MYRIP: variants seen among roughly 807,000 people sequenced by gnomAD.
The protein encoded by MYRIP is rab effector MyRIP.
In MYRIP, 49 loss-of-function variants were observed where a neutral mutation model predicts 98.0. That is an observed-to-expected ratio of 0.50 (90% CI 0.40 to 0.63). The LOEUF is 0.63. MYRIP is among the 30% of genes least tolerant of loss of function. MYRIP has a pLI of 0.00. For missense variants in MYRIP, 1,004 were observed against 1,058.2 expected, an observed-to-expected ratio of 0.95 and a Z score of 0.71; for synonymous variants, 404 against 409.5, an observed-to-expected ratio of 0.99 and a Z score of 0.16.
intron 2 of MYRIP, among the ~76,000 whole-genome samples, chr3:39,976,337 A>C (rs564331715): frequency 6.6e-6 from 1 of 152,228 alleles, no homozygotes; most frequent in Non-Finnish European, 1.5e-5. Flanking sequence ...AATCAAAACC[A>C]CAATGAGAGA....
chr3:40,134,560 G>T (rs1013843620), intron 3 of MYRIP, among the ~76,000 whole-genome samples: 1 of 152,238 alleles, frequency 6.6e-6, no homozygotes. Context: ...TGCAGCTTGA[G>T]ATCTGAGAAC....
At chr3:40,011,945 T>C (rs969838045) in intron 2 of MYRIP, among the ~76,000 whole-genome samples, 1 of 152,206 alleles carries the variant, frequency 6.6e-6, no homozygotes, top group Non-Finnish European at 1.5e-5. Flanking sequence ...GTGTTTTAGT[T>C]CCATAAATTT....
intron 2 of MYRIP, among the ~76,000 whole-genome samples, chr3:39,972,986 CTAAA>C (rs2125747181): frequency 6.6e-6 from 1 of 151,702 alleles, no homozygotes; most frequent in African/African-American, 2.4e-5. Flanking sequence ...GACTAATTTG[CTAAA>C]TAAATAGAGA....
intron 1 of MYRIP, among the ~76,000 whole-genome samples, chr3:39,821,486 TTATTTCTTTCC>T (rs1941101382): frequency 6.6e-6 from 1 of 152,006 alleles, no homozygotes; most frequent in Non-Finnish European, 1.5e-5. Context: ...CTCATCTTTA[TTATTTCTTTCC>T]TATTTCTTTG....
At chr3:40,084,217 A>G (rs935099684) in intron 3 of MYRIP, among the ~76,000 whole-genome samples, 3 of 146,868 alleles carry the variant, frequency 2.0e-5, no homozygotes, top group Admixed American at 6.8e-5. Flanking sequence ...TAAATATTAT[A>G]TATATATTAT....
intron 2 of MYRIP, among the ~76,000 whole-genome samples, chr3:39,959,726 C>A (rs1945273435): frequency 6.7e-6 from 1 of 149,542 alleles, no homozygotes; most frequent in Non-Finnish European, 1.5e-5. Flanking sequence ...AAAAGCAACA[C>A]TAAAACAAGT....
At chr3:39,850,966 A>G (rs2125605809) in intron 1 of MYRIP, among the ~76,000 whole-genome samples, 1 of 152,308 alleles carries the variant, frequency 6.6e-6, no homozygotes, top group South Asian at 2.1e-4. Flanking sequence ...AATGTGAAGC[A>G]GACAGAGAAA....
chr3:39,875,364 A>AT (rs1463236850), intron 1 of MYRIP, among the ~76,000 whole-genome samples: 1 of 150,436 alleles, frequency 6.6e-6, no homozygotes, highest in African/African-American at 2.5e-5. Flanking sequence ...GATTTTAGTT[A>AT]TTTCTTGCCT....
At chr3:40,212,019 T>G (rs1490526929) in intron 11 of MYRIP, among the ~76,000 whole-genome samples, 1 of 151,462 alleles carries the variant, frequency 6.6e-6, no homozygotes, top group Non-Finnish European at 1.5e-5. Flanking sequence ...GCCTTCCTAG[T>G]CTTCCATGAG....
intron 1 of MYRIP, among the ~76,000 whole-genome samples, chr3:39,886,388 A>T (rs1311021365): frequency 1.4e-4 from 21 of 150,246 alleles, no homozygotes; most frequent in Non-Finnish European, 3.1e-4. Flanking sequence ...AAAGACACAG[A>T]CTGGCAAATT....
At chr3:40,111,576 A>C (rs1239730141) in intron 3 of MYRIP, among the ~76,000 whole-genome samples, 1 of 152,138 alleles carries the variant, frequency 6.6e-6, no homozygotes, top group East Asian at 1.9e-4. Context: ...ACTGATGAGT[A>C]ATTAAGGATG....
At chr3:40,004,044 GC>G (rs1946580147) in intron 2 of MYRIP, among the ~76,000 whole-genome samples, 2 of 152,072 alleles carry the variant, frequency 1.3e-5, no homozygotes, top group Admixed American at 1.3e-4. Context: ...CTGGGCCCCT[GC>G]CCCTTGAAAA....
intron 2 of MYRIP, among the ~76,000 whole-genome samples, chr3:40,023,462 A>G (rs554626119): frequency 1.4e-3 from 216 of 152,110 alleles, no homozygotes; most frequent in Non-Finnish European, 2.4e-3. Flanking sequence ...AGAGGAGGAA[A>G]GAGTGTTTAA....
intron 12 of MYRIP, among the ~76,000 whole-genome samples, chr3:40,236,096 G>C (rs1316039629): frequency 6.6e-6 from 1 of 152,166 alleles, no homozygotes; most frequent in Non-Finnish European, 1.5e-5. Flanking sequence ...AACAGTGGTG[G>C]TCTCATAAGA....
intron 5 of MYRIP, among the ~76,000 whole-genome samples, chr3:40,163,931 G>T (rs1424516380): frequency 6.6e-6 from 1 of 151,996 alleles, no homozygotes; most frequent in Non-Finnish European, 1.5e-5. Flanking sequence ...TTCTCCATAG[G>T]TTACCACACA....
chr3:39,989,775 AG>A (rs533928332), intron 2 of MYRIP, among the ~76,000 whole-genome samples: 10 of 152,194 alleles, frequency 6.6e-5, no homozygotes, highest in Non-Finnish European at 1.5e-4. Context: ...AGGCCTGAAG[AG>A]GCACTCTGTC....
At chr3:39,851,400 A>G (rs985155802) in intron 1 of MYRIP, among the ~76,000 whole-genome samples, 2 of 152,142 alleles carry the variant, frequency 1.3e-5, no homozygotes, top group African/African-American at 2.4e-5. Context: ...ACAGTTCTCA[A>G]TTAGGGAAGT....
At chr3:39,883,561 C>A (rs950939107) in intron 1 of MYRIP, among the ~76,000 whole-genome samples, 1 of 151,754 alleles carries the variant, frequency 6.6e-6, no homozygotes, top group Non-Finnish European at 1.5e-5. Context: ...GGGAGAAAAA[C>A]CAGGACCACT....
chr3:40,219,128 A>C (rs1952244367), intron 11 of MYRIP, among the ~76,000 whole-genome samples: 1 of 152,206 alleles, frequency 6.6e-6, no homozygotes, highest in Non-Finnish European at 1.5e-5. Flanking sequence ...ATTTGAGAAA[A>C]AACTAAATTA....
Sources: allele counts gnomAD v4.1 joint callset (sites outside exome capture counted in the v4.1 genomes callset), GRCh38; gene constraint gnomAD v4.1.1; transcripts MANE v1.5; gene names NCBI Gene and HGNC (gene_info 2026-07-23, HGNC 2026-07-21).